The following SH3GL2 variants were observed in gnomAD, a reference collection of about 807,000 sequenced individuals.
The protein encoded by SH3GL2 is SH3 domain containing GRB2 like 2, endophilin A1, also known as endophilin-A1.
In SH3GL2, 24 loss-of-function variants were observed where a neutral mutation model predicts 46.0. The ratio of observed to expected loss-of-function variants is 0.52; its 90% CI spans 0.38 to 0.73. The LOEUF is 0.73. Ranked by LOEUF, SH3GL2 falls within the 30% of genes least tolerant of loss-of-function variation. SH3GL2 has a pLI of 0.00. For synonymous variants in SH3GL2, 196 were observed against 147.1 expected, an observed-to-expected ratio of 1.33 and a Z score of -2.40; for missense variants, 413 against 424.2, an observed-to-expected ratio of 0.97 and a Z score of 0.23.
intron 3 of SH3GL2, among the ~76,000 whole-genome samples, chr9:17,785,730 G>A (rs542068043): frequency 6.6e-6 from 1 of 152,274 alleles, no homozygotes; most frequent in East Asian, 1.9e-4. Context: ...AAGAGAAATT[G>A]AAATGTTCTC....
chr9:17,652,280 A>G (rs1158770233), intron 1 of SH3GL2, among the ~76,000 whole-genome samples: 1 of 152,030 alleles, frequency 6.6e-6, no homozygotes, highest in African/African-American at 2.4e-5. Context: ...TAAGGATTTT[A>G]TAGTTTCCCT....
intron 1 of SH3GL2, among the ~76,000 whole-genome samples, chr9:17,621,590 G>A (rs969782322): frequency 6.6e-5 from 10 of 152,166 alleles, no homozygotes; most frequent in African/African-American, 2.2e-4. Flanking sequence ...TCAAGATCAT[G>A]TTCTTTAACT....
At chr9:17,730,701 A>T (rs1013713173) in intron 1 of SH3GL2, among the ~76,000 whole-genome samples, 1 of 152,186 alleles carries the variant, frequency 6.6e-6, no homozygotes, top group Non-Finnish European at 1.5e-5. Context: ...CCTTTTCTGC[A>T]TCTATTGAAG....
At chr9:17,687,593 T>C (rs897386725) in intron 1 of SH3GL2, among the ~76,000 whole-genome samples, 5 of 152,114 alleles carry the variant, frequency 3.3e-5, no homozygotes, top group East Asian at 1.9e-4. Context: ...GAAGTTCTAA[T>C]GATAAAAATC....
chr9:17,748,916 G>A (rs575685818), intron 2 of SH3GL2, among the ~76,000 whole-genome samples: 30 of 152,148 alleles, frequency 2.0e-4, no homozygotes, highest in African/African-American at 2.9e-4. Flanking sequence ...AAGAGGGAAC[G>A]GTTGAGTTCC....
intron 1 of SH3GL2, among the ~76,000 whole-genome samples, chr9:17,658,040 A>T (rs1820130937): frequency 6.6e-6 from 1 of 152,212 alleles, no homozygotes; most frequent in South Asian, 2.1e-4. Flanking sequence ...TGCAGATAGG[A>T]ACTTATGAGG....
chr9:17,583,359 G>A (rs1818313784), intron 1 of SH3GL2, among the ~76,000 whole-genome samples: 1 of 152,178 alleles, frequency 6.6e-6, no homozygotes, highest in African/African-American at 2.4e-5. Flanking sequence ...ACTAAGTCAT[G>A]AGGGCACTCA....
Position 17,747,047 on chromosome 9 carries a change from T to G in SH3GL2, c.46-19T>G. On this transcript the variant is annotated intron_variant, in intron 1 of 8. Transcript: ENST00000380607. Reference sequence around the variant, plus strand: ...AGAAACTGTTTATAATAATTCTCCTTTGTGGTTATTTTCTACAGAAAGTGA... The same window carrying G: ...AGAAACTGTTTATAATAATTCTCCTGTGTGGTTATTTTCTACAGAAAGTGA... The G allele has an allele frequency of 6.5e-7, 1 of 1,532,104 alleles. No individual in the cohort carries two copies. Among genetic ancestry groups the G allele is most frequent in the Non-Finnish European group, 9.0e-7 (1 of 1,110,480 alleles). 94.9% of individuals were successfully genotyped at this position (1,532,104 alleles called of 1,614,324 possible).
At chr9:17,665,458 C>G (rs1011302389) in intron 1 of SH3GL2, among the ~76,000 whole-genome samples, 40 of 152,180 alleles carry the variant, frequency 2.6e-4, no homozygotes, top group Middle Eastern at 3.4e-3. Context: ...TAGAATGTGT[C>G]TTAACAGATT....
At chr9:17,695,654 G>A (rs952380875) in intron 1 of SH3GL2, among the ~76,000 whole-genome samples, 5 of 151,874 alleles carry the variant, frequency 3.3e-5, no homozygotes, top group Middle Eastern at 3.4e-3. Context: ...CTCCCGGGTG[G>A]TAGTGGGTTG....
At chr9:17,654,795 A>G (rs1820034989) in intron 1 of SH3GL2, among the ~76,000 whole-genome samples, 1 of 152,190 alleles carries the variant, frequency 6.6e-6, no homozygotes, top group Admixed American at 6.5e-5. Context: ...CCCAACTGCA[A>G]AGGTGCTATA....
chr9:17,738,673 G>GAT (rs1563833958), intron 1 of SH3GL2, among the ~76,000 whole-genome samples: 1 of 144,948 alleles, frequency 6.9e-6, no homozygotes, highest in Non-Finnish European at 1.5e-5. Context: ...GAGAGAGAGA[G>GAT]ATAATTTTAT....
chr9:17,608,382 G>A (rs1333674551), intron 1 of SH3GL2, among the ~76,000 whole-genome samples: 2 of 152,012 alleles, frequency 1.3e-5, no homozygotes, highest in African/African-American at 4.8e-5. Flanking sequence ...TCCTGACCTC[G>A]TGATCTGCCC....
At chr9:17,645,731 T>C (rs1819798914) in intron 1 of SH3GL2, among the ~76,000 whole-genome samples, 1 of 152,196 alleles carries the variant, frequency 6.6e-6, no homozygotes, top group African/African-American at 2.4e-5. Context: ...GGGTTTCTGC[T>C]GAGAGATCCG....
chr9:17,624,865 G>T (rs1819244132), intron 1 of SH3GL2, among the ~76,000 whole-genome samples: 2 of 152,186 alleles, frequency 1.3e-5, no homozygotes, highest in African/African-American at 4.8e-5. Context: ...TTAGGCCCAG[G>T]CTTTGGGAAC....
intron 1 of SH3GL2, among the ~76,000 whole-genome samples, chr9:17,629,565 T>C (rs1217541110): frequency 6.6e-6 from 1 of 151,914 alleles, no homozygotes; most frequent in East Asian, 1.9e-4. Context: ...ACAGCTCTGG[T>C]TGTACATAAG....
At chr9:17,771,754 A>G (rs1443148255) in intron 3 of SH3GL2, among the ~76,000 whole-genome samples, 1 of 152,164 alleles carries the variant, frequency 6.6e-6, no homozygotes, top group South Asian at 2.1e-4. Flanking sequence ...GTACTACAGC[A>G]CAGGGTCTTA....
intron 1 of SH3GL2, among the ~76,000 whole-genome samples, chr9:17,727,704 C>G (rs72715447): frequency 6.6e-6 from 1 of 152,312 alleles, no homozygotes; most frequent in Non-Finnish European, 1.5e-5. Context: ...TCCTCTTCAA[C>G]CAAGGAGCAG....
At position 17,740,465 on chromosome 9, in the gene SH3GL2, A is replaced by AGTATTGTATT. The variant is rs137877310; in HGVS notation, c.46-6580_46-6571dup. 7.3e-3 allele frequency among the ~76,000 whole-genome samples: 1,107 copies of AGTATTGTATT among 151,286 alleles called. 7 individuals carry two copies. Among genetic ancestry groups the AGTATTGTATT allele is most frequent in the African/African-American group, 0.019 (791 of 41,268 alleles). On this transcript the variant is annotated intron_variant, in intron 1 of 8. Transcript: ENST00000380607. Reference sequence around the variant, plus strand: ...CCTCTAAGTATTTGATATGTCATCAAGTATTGTATTGTATTGTATTGTATT... The same window carrying AGTATTGTATT: ...CCTCTAAGTATTTGATATGTCATCAAGTATTGTATTGTATTGTATTGTATTGTATTGTATT...
Sources: allele counts gnomAD v4.1 joint callset (sites outside exome capture counted in the v4.1 genomes callset), GRCh38; gene constraint gnomAD v4.1.1; transcripts MANE v1.5; gene names NCBI Gene and HGNC (gene_info 2026-07-23, HGNC 2026-07-21).